BBS9: variants seen among roughly 807,000 people sequenced by gnomAD.
BBS9 encodes the protein protein PTHB1.
In BBS9, 89 loss-of-function variants were observed where a neutral mutation model predicts 117.7. The ratio of observed to expected loss-of-function variants is 0.76; its 90% CI spans 0.64 to 0.90. The LOEUF is 0.90. BBS9 is among the 40% of genes least tolerant of loss of function. BBS9 has a pLI of 0.00. For synonymous variants in BBS9, 379 were observed against 370.9 expected, an observed-to-expected ratio of 1.02 and a Z score of -0.25; for missense variants, 982 against 1,042.2, an observed-to-expected ratio of 0.94 and a Z score of 0.80.
intron 19 of BBS9, among the ~76,000 whole-genome samples, chr7:33,476,783 A>G (rs1035061688): frequency 3.3e-5 from 5 of 152,238 alleles, no homozygotes; most frequent in Non-Finnish European, 7.3e-5. Context: ...CTGTCTTGTC[A>G]TATAAACCTA....
At chr7:33,417,065 A>T (rs1832125836) in intron 19 of BBS9, among the ~76,000 whole-genome samples, 1 of 152,216 alleles carries the variant, frequency 6.6e-6, no homozygotes, top group Admixed American at 6.5e-5. Flanking sequence ...GGAAGATGAG[A>T]TATGCACCCC....
chr7:33,385,688 C>T (rs1047425858), intron 18 of BBS9, among the ~76,000 whole-genome samples: 1 of 151,696 alleles, frequency 6.6e-6, no homozygotes, highest in Non-Finnish European at 1.5e-5. Flanking sequence ...GTAAATTATA[C>T]AATTAAAAGA....
At chr7:33,286,617 A>G (rs547593029) in intron 9 of BBS9, among the ~76,000 whole-genome samples, 1 of 152,306 alleles carries the variant, frequency 6.6e-6, no homozygotes, top group Admixed American at 6.5e-5. Context: ...TATTTCCCAG[A>G]GGAAAAAGTT....
intron 16 of BBS9, among the ~76,000 whole-genome samples, chr7:33,363,323 G>A (rs1170898729): frequency 6.6e-6 from 1 of 152,082 alleles, no homozygotes; most frequent in Non-Finnish European, 1.5e-5. Context: ...GGGTGGTCTC[G>A]AACTCCTGAC....
At chr7:33,231,113 G>A (rs1422447188) in intron 5 of BBS9, among the ~76,000 whole-genome samples, 1 of 152,016 alleles carries the variant, frequency 6.6e-6, no homozygotes, top group African/African-American at 2.4e-5. Flanking sequence ...ATTGATTTTT[G>A]TGTATAGTGT....
intron 5 of BBS9, among the ~76,000 whole-genome samples, chr7:33,200,940 G>T (rs1785741731): frequency 6.6e-6 from 1 of 152,168 alleles, no homozygotes; most frequent in African/African-American, 2.4e-5. Flanking sequence ...TACAATAAAG[G>T]CTGACTGTAA....
chr7:33,191,006 A>T lies in BBS9; in HGVS notation c.442+13415A>T, dbSNP rs545983150. 2.0e-4 allele frequency among the ~76,000 whole-genome samples: 30 copies of T among 152,338 alleles called. 1 individual carries two copies. In the South Asian group the frequency reaches 6.0e-3, roughly 30 times the overall value. ...TTGCGTGGTGCTTTGGCAGGATTGC[A>T]TTCAAGAGGAGGTCCCTTACAGCAA... is the stretch of plus-strand genomic sequence containing the variant. On this transcript the variant is annotated intron_variant, in intron 5 of 22. Transcript: ENST00000242067.
intron 19 of BBS9, among the ~76,000 whole-genome samples, chr7:33,405,851 C>G (rs1182304130): frequency 6.6e-6 from 1 of 151,998 alleles, no homozygotes; most frequent in Non-Finnish European, 1.5e-5. Context: ...TCCTTCAGTT[C>G]TGCTCTGATT....
At chr7:33,579,061 A>C (rs988916444) in intron 21 of BBS9, among the ~76,000 whole-genome samples, 9 of 152,172 alleles carry the variant, frequency 5.9e-5, no homozygotes, top group African/African-American at 1.9e-4. Context: ...GTTTCTCCAC[A>C]GTCAGAAAGC....
intron 5 of BBS9, among the ~76,000 whole-genome samples, chr7:33,231,578 T>C (rs1405670445): frequency 6.6e-6 from 1 of 151,962 alleles, no homozygotes; most frequent in Non-Finnish European, 1.5e-5. Flanking sequence ...CTTTTATGGT[T>C]CCATATAAAC....
At chr7:33,232,801 T>C (rs1234579867) in intron 5 of BBS9, among the ~76,000 whole-genome samples, 2 of 152,176 alleles carry the variant, frequency 1.3e-5, no homozygotes, top group African/African-American at 2.4e-5. Context: ...TCTATATGTA[T>C]GTGTATCTGT....
At chr7:33,165,154 T>G (rs994395226) in intron 4 of BBS9, among the ~76,000 whole-genome samples, 2 of 152,162 alleles carry the variant, frequency 1.3e-5, no homozygotes, top group South Asian at 2.1e-4. Flanking sequence ...TTGAATATTG[T>G]CCCCCACTCT....
intron 7 of BBS9, among the ~76,000 whole-genome samples, chr7:33,265,281 A>AG (rs1443917350): frequency 6.6e-5 from 10 of 152,180 alleles, no homozygotes; most frequent in Non-Finnish European, 1.3e-4. Flanking sequence ...AGGAGATGGT[A>AG]GAACAGAAGG....
chr7:33,483,828 G>A (rs1389828883), intron 19 of BBS9, among the ~76,000 whole-genome samples: 1 of 151,982 alleles, frequency 6.6e-6, no homozygotes, highest in African/African-American at 2.4e-5. Flanking sequence ...TGTAGAGATA[G>A]GGTCTTGCTT....
intron 19 of BBS9, among the ~76,000 whole-genome samples, chr7:33,431,394 C>A (rs747915882): frequency 6.6e-6 from 1 of 152,036 alleles, no homozygotes; most frequent in Non-Finnish European, 1.5e-5. Context: ...AGTCAGAGTC[C>A]GCTGTGATCT....
At chr7:33,379,000 CT>C (rs1268100145) in intron 17 of BBS9, among the ~76,000 whole-genome samples, 1 of 152,198 alleles carries the variant, frequency 6.6e-6, no homozygotes, top group African/African-American at 2.4e-5. Context: ...CTGGACGTAC[CT>C]GAACATGCTT....
At chr7:33,176,945 G>T (rs918218881) in intron 4 of BBS9, among the ~76,000 whole-genome samples, 1 of 152,172 alleles carries the variant, frequency 6.6e-6, no homozygotes, top group Non-Finnish European at 1.5e-5. Flanking sequence ...CTTCTTGGCA[G>T]ACTTCAAATA....
At chr7:33,451,082 G>T (rs1365548426) in intron 19 of BBS9, among the ~76,000 whole-genome samples, 1 of 151,488 alleles carries the variant, frequency 6.6e-6, no homozygotes, top group South Asian at 2.1e-4. Context: ...TAGAGACGGG[G>T]TTTCATCATG....
At chr7:33,157,698 AT>A (rs1394708008) in intron 4 of BBS9, 1 of 152,214 alleles carries the variant, frequency 6.6e-6, no homozygotes, top group African/African-American at 2.4e-5. Context: ...TGAACTTGAC[AT>A]CCTTTTCTTC....
Sources: gnomAD v4.1 joint callset for allele counts (sites outside exome capture counted in the v4.1 genomes callset) on GRCh38, gnomAD v4.1.1 for gene constraint, MANE v1.5 for transcripts, NCBI Gene and HGNC (gene_info 2026-07-23, HGNC 2026-07-21) for gene names.